The following TBC1D19 variants were observed in gnomAD, a reference collection of about 807,000 sequenced individuals.
The protein encoded by TBC1D19 is TBC1 domain family, member 19.
TBC1D19 carries 60 observed loss-of-function variants against 89.0 expected under a neutral mutation model. The ratio of observed to expected loss-of-function variants is 0.67; its 90% CI spans 0.55 to 0.84. The LOEUF is 0.84. Ranked by LOEUF, TBC1D19 falls within the 40% of genes least tolerant of loss-of-function variation. The pLI is 0.00. For missense variants in TBC1D19, 500 were observed against 610.8 expected (o/e 0.82, Z 1.91); for synonymous variants, 189 against 199.7 (o/e 0.95, Z 0.45).
chr4:26,616,065 T>A (rs1183560951), intron 3 of TBC1D19, among the ~76,000 whole-genome samples: 4 of 152,152 alleles, frequency 2.6e-5, no homozygotes, highest in Admixed American at 2.0e-4. Context: ...GATTTTTTTT[T>A]AAGCAGTCCA....
At chr4:26,677,862 C>T (rs2109124923) in intron 11 of TBC1D19, among the ~76,000 whole-genome samples, 1 of 152,288 alleles carries the variant, frequency 6.6e-6, no homozygotes, top group East Asian at 1.9e-4. Context: ...TGTAAATTTC[C>T]TGAGGCCTCC....
At chr4:26,641,403 A>G (rs868829020) in intron 7 of TBC1D19, among the ~76,000 whole-genome samples, 4 of 152,320 alleles carry the variant, frequency 2.6e-5, no homozygotes, top group African/African-American at 9.6e-5. Context: ...GGACATCCAC[A>G]CCAAAACCCC....
At chr4:26,655,944 C>T (rs558668983) in intron 7 of TBC1D19, among the ~76,000 whole-genome samples, 19 of 152,190 alleles carry the variant, frequency 1.2e-4, no homozygotes, top group Non-Finnish European at 2.4e-4. Context: ...ATGCAGAAAT[C>T]GTTCGTCTTC....
Position 26,739,961 on chromosome 4 carries a change from T to C in TBC1D19, c.1215T>C (p.Ser405=), listed in dbSNP as rs764027166. The C allele has an allele frequency of 3.8e-6, 6 of 1,576,714 alleles. No homozygotes were observed. The highest frequency in any genetic ancestry group is 2.3e-5 in the East Asian group (1 of 43,078). The stretch of plus-strand genomic sequence containing the variant: ...TTTTCTTCAGACTCCATTCCATCTC[T>C]TCTCATCCTTCTGTAAGTTCATAAG... ...VRFFFRLHSI[S]SHPSGIVSLC... is the part of the protein sequence containing the mutation. The change falls in exon 17 of 21, where the codon TCT becomes TCC. Residue 405 remains serine, a synonymous_variant. Coordinates refer to ENST00000264866, the MANE Select transcript of TBC1D19 (RefSeq NM_018317.4).
chr4:26,709,630 G>A (rs768393482), intron 13 of TBC1D19, among the ~76,000 whole-genome samples: 4 of 152,022 alleles, frequency 2.6e-5, no homozygotes, highest in Non-Finnish European at 4.4e-5. Flanking sequence ...GGGGATTGGG[G>A]TGGGTGATGC....
chr4:26,786,791 GGA>G, the TBC1D19 span, among the ~76,000 whole-genome samples: 12 of 151,260 alleles, frequency 7.9e-5, no homozygotes, highest in South Asian at 4.2e-4. Context: ...ATGGATGGAT[GGA>G]TGGGTGGGTG....
At chr4:26,851,345 CT>C in the TBC1D19 span, among the ~76,000 whole-genome samples, 4 of 151,608 alleles carry the variant, frequency 2.6e-5, no homozygotes, top group South Asian at 8.3e-4. Context: ...ATCTATCTAT[CT>C]ATCTATCTAT....
chr4:26,615,721 G>A (rs1456465731), intron 3 of TBC1D19, among the ~76,000 whole-genome samples: 1 of 152,126 alleles, frequency 6.6e-6, no homozygotes, highest in Non-Finnish European at 1.5e-5. Flanking sequence ...CTTAAATAAT[G>A]TTAGATATAA....
downstream of TBC1D19, among the ~76,000 whole-genome samples, chr4:26,757,260 C>G (rs1719301840): frequency 6.6e-6 from 1 of 152,162 alleles, no homozygotes; most frequent in Admixed American, 6.5e-5. Flanking sequence ...AGTGATCCAC[C>G]CGCCTCAGCC....
At chr4:26,597,829 T>A (rs1243850613) in intron 1 of TBC1D19, among the ~76,000 whole-genome samples, 1 of 152,172 alleles carries the variant, frequency 6.6e-6, no homozygotes, top group East Asian at 1.9e-4. Context: ...ATTTTTGCAT[T>A]CTTTTGGGTT....
At chr4:26,590,564 T>G (rs1172360199) in intron 1 of TBC1D19, among the ~76,000 whole-genome samples, 2 of 152,192 alleles carry the variant, frequency 1.3e-5, no homozygotes, top group African/African-American at 4.8e-5. Context: ...CAATGAAGCC[T>G]GTGTCTGCAG....
At chr4:26,695,461 C>G (rs1204215627) in intron 13 of TBC1D19, among the ~76,000 whole-genome samples, 2 of 152,064 alleles carry the variant, frequency 1.3e-5, no homozygotes, top group African/African-American at 4.8e-5. Flanking sequence ...GAGAAATTCC[C>G]CAACCTAGCA....
At chr4:26,599,951 A>G (rs1013229717) in intron 1 of TBC1D19, among the ~76,000 whole-genome samples, 1 of 7,060 alleles carries the variant, frequency 1.4e-4, no homozygotes, top group African/African-American at 5.9e-4. Context: ...CTGTCTCTCC[A>G]AAAAAAAAAA....
chr4:26,609,811 G>A (rs1449665403), intron 1 of TBC1D19, among the ~76,000 whole-genome samples: 2 of 152,078 alleles, frequency 1.3e-5, no homozygotes, highest in East Asian at 1.9e-4. Flanking sequence ...TCATTCATTC[G>A]ATAATCATTT....
intron 8 of TBC1D19, among the ~76,000 whole-genome samples, chr4:26,665,830 AATT>A (rs1711761321): frequency 6.6e-6 from 1 of 152,012 alleles, no homozygotes; most frequent in Non-Finnish European, 1.5e-5. Flanking sequence ...CTGAAAGGAT[AATT>A]ATCATTCCTT....
At chr4:26,605,009 T>C (rs1055316436) in intron 1 of TBC1D19, among the ~76,000 whole-genome samples, 3 of 152,144 alleles carry the variant, frequency 2.0e-5, no homozygotes, top group African/African-American at 7.2e-5. Context: ...ATATGAACTC[T>C]ATGTTTAATA....
chr4:26,713,150 CAT>C (rs1002440659), intron 13 of TBC1D19, among the ~76,000 whole-genome samples: 19 of 151,968 alleles, frequency 1.3e-4, no homozygotes, highest in African/African-American at 4.1e-4. Flanking sequence ...AAAAAATTCA[CAT>C]GATTATCTTA....
intron 19 of TBC1D19, among the ~76,000 whole-genome samples, chr4:26,750,435 G>A (rs577753255): frequency 1.3e-5 from 2 of 152,264 alleles, no homozygotes; most frequent in Non-Finnish European, 2.9e-5. Context: ...TAACTGTTAT[G>A]TGAAGGGTCA....
intron 1 of TBC1D19, among the ~76,000 whole-genome samples, chr4:26,588,656 G>A (rs1220819793): frequency 6.6e-6 from 1 of 151,934 alleles, no homozygotes; most frequent in Non-Finnish European, 1.5e-5. Context: ...GTGATTTTAT[G>A]GGTTCTAATA....
Sources: gnomAD v4.1 joint callset for allele counts (sites outside exome capture counted in the v4.1 genomes callset) on GRCh38, gnomAD v4.1.1 for gene constraint, MANE v1.5 for transcripts, NCBI Gene and HGNC (gene_info 2026-07-23, HGNC 2026-07-21) for gene names.